ZNF618: variants seen among roughly 807,000 people sequenced by gnomAD.
ZNF618 encodes the protein neural precursor cell expressed, developmentally down-regulated 10.
ZNF618 carries 34 observed loss-of-function variants against 103.0 expected under a neutral mutation model. The observed-to-expected ratio is 0.33, with a 90% confidence interval of 0.25 to 0.44. The LOEUF is 0.44. Among genes scored for constraint, ZNF618 ranks in the 20% least tolerant of loss-of-function variants. The pLI, the probability that ZNF618 is intolerant of heterozygous loss-of-function variation, is 1.00. For missense variants in ZNF618, 1,059 were observed against 1,295.4 expected, an observed-to-expected ratio of 0.82 and a Z score of 2.80; for synonymous variants, 551 against 542.2, an observed-to-expected ratio of 1.02 and a Z score of -0.23.
chr9:114,038,512 T>C (rs1294958853), intron 13 of ZNF618, among the ~76,000 whole-genome samples: 1 of 152,226 alleles, frequency 6.6e-6, no homozygotes, highest in East Asian at 1.9e-4. Flanking sequence ...TTAAGCATCA[T>C]GAGCTGCGCA....
chr9:113,959,708 A>G, intron 1 of ZNF618, among the ~76,000 whole-genome samples: 1 of 152,110 alleles, frequency 6.6e-6, no homozygotes, highest in Non-Finnish European at 1.5e-5. Flanking sequence ...CCCAAGTTCA[A>G]GCGATTCTCC....
At chr9:113,913,979 T>C (rs1305199933) in intron 1 of ZNF618, among the ~76,000 whole-genome samples, 2 of 152,158 alleles carry the variant, frequency 1.3e-5, no homozygotes, top group African/African-American at 2.4e-5. Flanking sequence ...CAGTGGCCAT[T>C]GGGTCTTTAA....
At chr9:114,043,990 C>G (rs1018687750) in intron 13 of ZNF618, among the ~76,000 whole-genome samples, 1 of 152,132 alleles carries the variant, frequency 6.6e-6, no homozygotes, top group Non-Finnish European at 1.5e-5. Context: ...TTTTATCCCA[C>G]TCTATGGGTT....
Position 114,014,489 on chromosome 9 carries a change from T to A in ZNF618, c.755-2206T>A, listed in dbSNP as rs114761597. On this transcript the variant is annotated intron_variant, in intron 9 of 14. Coordinates refer to ENST00000374126, the MANE Select transcript of ZNF618 (RefSeq NM_001318042.2). ...ATTTTTTGATCTCCTTTTGTTAGAC[T>A]GTAAACTCCTTGAAGGCAAGAACTT... is the stretch of plus-strand genomic sequence containing the variant. Among the ~76,000 whole-genome samples the A allele has an allele frequency of 7.6e-4, 116 of 152,346 alleles. 1 individual carries two copies. The highest frequency in any genetic ancestry group is 2.8e-3 in the African/African-American group (115 of 41,584).
intron 1 of ZNF618, among the ~76,000 whole-genome samples, chr9:113,948,091 G>A (rs533969513): frequency 1.5e-4 from 23 of 152,202 alleles, no homozygotes; most frequent in South Asian, 8.3e-4. Context: ...AGCCTCCCCC[G>A]CCCTCATCTT....
At chr9:113,946,062 C>T (rs1204285752) in intron 1 of ZNF618, among the ~76,000 whole-genome samples, 1 of 152,192 alleles carries the variant, frequency 6.6e-6, no homozygotes, top group East Asian at 1.9e-4. Context: ...GTTAGGCTGT[C>T]CTGCCTTTTC....
chr9:113,876,555 A>T, intron 1 of ZNF618, 142 bp downstream of exon 1: 4 of 552,792 alleles, frequency 7.2e-6, no homozygotes, highest in East Asian at 9.6e-5. Flanking sequence ...CGCAATCGGG[A>T]GGGTCGGGGT....
chr9:113,942,247 C>CTT (rs200706075), intron 1 of ZNF618, among the ~76,000 whole-genome samples: 52 of 144,658 alleles, frequency 3.6e-4, no homozygotes, highest in Non-Finnish European at 6.3e-4. Context: ...AATAGTTCTC[C>CTT]TTTTTTTTTT....
At chr9:113,953,578 G>T (rs1316074700) in intron 1 of ZNF618, among the ~76,000 whole-genome samples, 1 of 152,230 alleles carries the variant, frequency 6.6e-6, no homozygotes, top group Non-Finnish European at 1.5e-5. Flanking sequence ...ACTTCAGCCA[G>T]TTAACCTCTG....
intron 1 of ZNF618, among the ~76,000 whole-genome samples, chr9:113,942,846 A>G (rs1237634620): frequency 2.6e-5 from 4 of 152,216 alleles, no homozygotes; most frequent in Admixed American, 6.5e-5. Flanking sequence ...GGCAATCAAG[A>G]AATGCTTGTT....
chr9:113,966,489 G>C (rs563265951), intron 1 of ZNF618, among the ~76,000 whole-genome samples: 1 of 152,298 alleles, frequency 6.6e-6, no homozygotes, highest in African/African-American at 2.4e-5. Flanking sequence ...ACATGGCAAT[G>C]TCAGAGGTTC....
chr9:113,959,825 T>G lies in ZNF618; in HGVS notation c.34-9292T>G, dbSNP rs536752023. ...CGTTTCGCCATGTTGGCCAGGCTGG[T>G]CTCGACCTCCTGACCTCAGGTGATC... On this transcript the variant is annotated intron_variant, in intron 1 of 14. Coordinates refer to ENST00000374126, the MANE Select transcript of ZNF618 (RefSeq NM_001318042.2). Among the ~76,000 whole-genome samples, 3 of 152,298 alleles carry G rather than the reference T, an allele frequency of 2.0e-5. No homozygotes were observed. In the South Asian group the frequency reaches 6.2e-4, roughly 32 times the overall value.
At chr9:113,974,324 C>T (rs1838285651) in intron 2 of ZNF618, among the ~76,000 whole-genome samples, 1 of 152,194 alleles carries the variant, frequency 6.6e-6, no homozygotes, top group South Asian at 2.1e-4. Context: ...GAGAGAACAA[C>T]AGGTGCAAAG....
rs558662178 is a variant in ZNF618, at chr9:114,038,700, G to A, written c.1246+2323G>A. Among the ~76,000 whole-genome samples the A allele has an allele frequency of 3.3e-5, 5 of 152,332 alleles. No individual in the cohort carries two copies. The East Asian group carries it at 9.6e-4, about 29-fold the overall frequency. On this transcript the variant is annotated intron_variant, in intron 13 of 14. Transcript: ENST00000374126. Reference sequence around the variant, plus strand: ...TTTGGCAGTAATAATACCAAAGATAGCTACAATTTTGTGAGTGCTTTCTAT... The same window carrying A: ...TTTGGCAGTAATAATACCAAAGATAACTACAATTTTGTGAGTGCTTTCTAT...
chr9:113,925,338 C>T (rs1272685350), intron 1 of ZNF618, among the ~76,000 whole-genome samples: 1 of 151,592 alleles, frequency 6.6e-6, no homozygotes, highest in African/African-American at 2.4e-5. Flanking sequence ...TTTAATTAGT[C>T]TTAGTATGGT....
intron 7 of ZNF618, among the ~76,000 whole-genome samples, chr9:114,008,093 ACCATGGATGGGTGCCCAT>A (rs749792157): frequency 8.5e-5 from 13 of 152,212 alleles, no homozygotes; most frequent in Non-Finnish European, 1.5e-4. Flanking sequence ...GTCTGCCTGT[ACCATGGATGGGTGCCCAT>A]CCTAGTGAGG....
intron 10 of ZNF618, among the ~76,000 whole-genome samples, chr9:114,021,861 C>G (rs550217117): frequency 6.6e-6 from 1 of 152,146 alleles, no homozygotes; most frequent in Non-Finnish European, 1.5e-5. Context: ...AGAGGTCTGG[C>G]TTCTTTCACT....
At chr9:113,991,645 G>A (rs1455311511) in intron 3 of ZNF618, among the ~76,000 whole-genome samples, 1 of 152,174 alleles carries the variant, frequency 6.6e-6, no homozygotes, top group Non-Finnish European at 1.5e-5. Flanking sequence ...GTGATATATT[G>A]AAACGATGGG....
chr9:113,947,014 C>T (rs1011626618), intron 1 of ZNF618, among the ~76,000 whole-genome samples: 5 of 152,148 alleles, frequency 3.3e-5, no homozygotes, highest in Admixed American at 1.3e-4. Context: ...GTTTTGGGGA[C>T]GACACAGACA....
Sources: allele counts gnomAD v4.1 joint callset (sites outside exome capture counted in the v4.1 genomes callset), GRCh38; gene constraint gnomAD v4.1.1; transcripts MANE v1.5; gene names NCBI Gene and HGNC (gene_info 2026-07-23, HGNC 2026-07-21).